The following ST6GAL2 variants were observed in gnomAD, a reference collection of about 807,000 sequenced individuals.
ST6GAL2 encodes ST6 beta-galactoside alpha-2,6-sialyltransferase 2.
ST6GAL2 carries 24 observed loss-of-function variants against 37.5 expected under a neutral mutation model. That is an observed-to-expected ratio of 0.64 (90% CI 0.46 to 0.90). The LOEUF (loss-of-function observed/expected upper bound fraction) is 0.90, where lower values mean the gene tolerates loss of function less well. Ranked by LOEUF, ST6GAL2 falls within the 40% of genes least tolerant of loss-of-function variation. The pLI, the probability that ST6GAL2 is intolerant of heterozygous loss-of-function variation, is 0.00. For missense variants in ST6GAL2, 715 were observed against 712.7 expected, an observed-to-expected ratio of 1.00 and a Z score of -0.04; for synonymous variants, 306 against 295.1, an observed-to-expected ratio of 1.04 and a Z score of -0.38.
intron 5 of ST6GAL2, among the ~76,000 whole-genome samples, chr2:106,807,572 T>A (rs1248472393): frequency 1.2e-4 from 19 of 152,184 alleles, no homozygotes; most frequent in Admixed American, 1.2e-3. Flanking sequence ...AAACTTTTAA[T>A]TTTTTAATGT....
Position 106,843,287 on chromosome 2 carries a change from C to T in ST6GAL2, c.691G>A (p.Ala231Thr), listed in dbSNP as rs369427384. 10 of 1,611,388 alleles carry T rather than the reference C, an allele frequency of 6.2e-6. No individual in the cohort carries two copies. Among genetic ancestry groups the T allele is most frequent in the Non-Finnish European group, 8.5e-6 (10 of 1,178,870 alleles). Residue 231 changes from alanine (A) to threonine (T), a missense_variant, in exon 2 of 6, where the codon GCC (alanine) becomes ACC (threonine). Around this residue, in one of 3 missense-constraint regions of ST6GAL2, gnomAD observed 512 missense variants for 488.8 expected, o/e 1.05. Coordinates refer to ENST00000409382, the MANE Select transcript of ST6GAL2 (RefSeq NM_001142351.2). ...CGGAAGCGCACCCCGTGCTTGTTGG[C>T]GGTCAGGTAATCCTTCATCGCCTTC... ...LQKAMKDYLT[A>T]NKHGVRFRGK...
intron 1 of ST6GAL2, among the ~76,000 whole-genome samples, chr2:106,861,636 CTTTTTTT>C (rs1013434378): frequency 4.2e-5 from 6 of 143,760 alleles, no homozygotes; most frequent in African/African-American, 1.5e-4. Flanking sequence ...TTCTTTTTTT[CTTTTTTT>C]TTTTGAGACA....
chr2:106,884,938 T>TATATACAC (rs1426798721), intron 1 of ST6GAL2, among the ~76,000 whole-genome samples: 2 of 123,724 alleles, frequency 1.6e-5, no homozygotes, highest in African/African-American at 5.9e-5. Flanking sequence ...TATATATACA[T>TATATACAC]ACACACACAC....
rs745306878 is a variant in ST6GAL2 at position 106,832,569 on chromosome 2, T to C, written c.1139A>G (p.Asn380Ser). The change falls in exon 4 of 6, where the codon AAC (asparagine) becomes AGC (serine). Residue 380 changes from asparagine to serine, a missense_variant. By Grantham distance (46) the Asn-to-Ser change is conservative (BLOSUM62 1). Transcript: ENST00000409382. ...WDPAPYSANL[N>S]LWYKKPDYNL... ...CAAATCCAGGGAAACACTTACCAGGTTAAGATTTGCGGAATATGGGGCAGG... is the reference window on the plus strand; with the variant it reads ...CAAATCCAGGGAAACACTTACCAGGCTAAGATTTGCGGAATATGGGGCAGG... The C allele has an allele frequency of 6.4e-7, 1 of 1,565,048 alleles. No individual in the cohort carries two copies. The highest frequency in any genetic ancestry group is 8.7e-7 in the Non-Finnish European group (1 of 1,150,622).
chr2:106,885,541 G>C (rs1378637168), intron 1 of ST6GAL2, among the ~76,000 whole-genome samples: 1 of 152,062 alleles, frequency 6.6e-6, no homozygotes. Flanking sequence ...ACTTCACTCA[G>C]TCCCCCAACA....
chr2:106,806,668 G>T lies in ST6GAL2; in HGVS notation c.*10C>A, dbSNP rs775749475. On this transcript the variant is annotated 3_prime_UTR_variant, in exon 6 of 6. Transcript: ENST00000409382. Reference sequence around the variant, plus strand: ...TACCTTATTGCACATTGATTCCCAAGAAACCCTTTTTAAGAGTGTGGAATG... The same window carrying T: ...TACCTTATTGCACATTGATTCCCAATAAACCCTTTTTAAGAGTGTGGAATG... 2.8e-5 allele frequency: 45 copies of T among 1,610,996 alleles called. No homozygotes were observed. Among genetic ancestry groups the T allele is most frequent in the Non-Finnish European group, 3.3e-5 (39 of 1,177,890 alleles).
chr2:106,836,773 C>CAAAAAAAAA (rs70956213), intron 2 of ST6GAL2, among the ~76,000 whole-genome samples: 381 of 69,978 alleles, frequency 5.4e-3, no homozygotes, highest in Non-Finnish European at 6.7e-3. Flanking sequence ...ACTAAAAATA[C>CAAAAAAAAA]AAAAAAAAAA....
At chr2:106,835,317 G>A (rs1323991123) in intron 2 of ST6GAL2, among the ~76,000 whole-genome samples, 2 of 152,174 alleles carry the variant, frequency 1.3e-5, no homozygotes, top group Non-Finnish European at 1.5e-5. Flanking sequence ...CCGCACAAGT[G>A]CCTAAGGCAG....
intron 1 of ST6GAL2, among the ~76,000 whole-genome samples, chr2:106,869,059 A>G (rs1678153271): frequency 6.6e-6 from 1 of 152,168 alleles, no homozygotes; most frequent in Non-Finnish European, 1.5e-5. Flanking sequence ...CTGGGGATAC[A>G]AAGGCAAATG....
chr2:106,873,640 G>A (rs867762943), intron 1 of ST6GAL2, among the ~76,000 whole-genome samples: 7 of 152,224 alleles, frequency 4.6e-5, no homozygotes, highest in Non-Finnish European at 1.0e-4. Flanking sequence ...TTTGCTGAAG[G>A]AAGAAACAAA....
intron 5 of ST6GAL2, among the ~76,000 whole-genome samples, chr2:106,809,167 C>T (rs1675522948): frequency 6.6e-6 from 1 of 152,284 alleles, no homozygotes; most frequent in Non-Finnish European, 1.5e-5. Flanking sequence ...TTGCTGTGCA[C>T]TGCCCAGCAT....
At chr2:106,854,501 TATG>T (rs1336405309) in intron 1 of ST6GAL2, among the ~76,000 whole-genome samples, 1 of 152,234 alleles carries the variant, frequency 6.6e-6, no homozygotes, top group Non-Finnish European at 1.5e-5. Context: ...TATTGTATTG[TATG>T]ATATAAGCAT....
At chr2:106,807,076 T>C (rs1675442114) in intron 5 of ST6GAL2, 127 bp from the exon 6 acceptor site, 3 of 754,322 alleles carry the variant, frequency 4.0e-6, no homozygotes, top group African/African-American at 1.8e-5. Context: ...TTGTTGTTGT[T>C]GCATTTGCAA....
chr2:106,810,756 C>A (rs1160327859), intron 5 of ST6GAL2, among the ~76,000 whole-genome samples: 1 of 152,160 alleles, frequency 6.6e-6, no homozygotes, highest in Non-Finnish European at 1.5e-5. Context: ...TTGACACCAG[C>A]CTGGACAACA....
At chr2:106,878,016 C>A (rs1678579057) in intron 1 of ST6GAL2, among the ~76,000 whole-genome samples, 2 of 152,354 alleles carry the variant, frequency 1.3e-5, no homozygotes, top group South Asian at 4.1e-4. Flanking sequence ...TGCTTAGGTG[C>A]TGGATGCACA....
At chr2:106,841,800 C>T (rs941157937) in intron 2 of ST6GAL2, among the ~76,000 whole-genome samples, 5 of 152,066 alleles carry the variant, frequency 3.3e-5, no homozygotes, top group Admixed American at 2.6e-4. Flanking sequence ...AGGAGGGAAA[C>T]GTATTTGAAC....
At chr2:106,821,274 T>C (rs1675993788) in intron 5 of ST6GAL2, among the ~76,000 whole-genome samples, 1 of 151,326 alleles carries the variant, frequency 6.6e-6, no homozygotes, top group African/African-American at 2.4e-5. Flanking sequence ...AAGACCCAGA[T>C]AAATAAAGTT....
intron 1 of ST6GAL2, among the ~76,000 whole-genome samples, chr2:106,858,690 T>C (rs6543455): frequency 0.88 from 133,338 of 152,164 alleles, 58,556 homozygotes; most frequent in East Asian, 0.98. Context: ...CCATATCCTG[T>C]CAACACCAAA....
intron 5 of ST6GAL2, among the ~76,000 whole-genome samples, chr2:106,829,050 C>T (rs755656708): frequency 2.4e-4 from 37 of 152,156 alleles, no homozygotes; most frequent in Non-Finnish European, 3.8e-4. Flanking sequence ...CATCAAAGCC[C>T]GCACCTACTC....
Sources: gnomAD v4.1 joint callset for allele counts (sites outside exome capture counted in the v4.1 genomes callset) on GRCh38, gnomAD v4.1.1 for gene constraint, gnomAD v4.1.1 regional missense constraint, MANE v1.5 for transcripts, NCBI Gene and HGNC (gene_info 2026-07-23, HGNC 2026-07-21) for gene names.